The following RASSF3 variants were observed in gnomAD, a reference collection of about 807,000 sequenced individuals.
RASSF3 encodes the protein ras association domain-containing protein 3.
RASSF3 carries 19 observed loss-of-function variants against 19.9 expected under a neutral mutation model. The observed-to-expected ratio is 0.96, with a 90% CI of 0.67 to 1.40. RASSF3 has a LOEUF of 1.40. Among genes scored for constraint, RASSF3 ranks in the 40% most tolerant of loss-of-function variants. The pLI is 0.00. For synonymous variants in RASSF3, 110 were observed against 104.2 expected, an observed-to-expected ratio of 1.06 and a Z score of -0.34; for missense variants, 306 against 289.8, an observed-to-expected ratio of 1.06 and a Z score of -0.41.
chr12:64,580,244 G>A (rs1869669601), intron 2 of RASSF3, among the ~76,000 whole-genome samples: 1 of 152,080 alleles, frequency 6.6e-6, no homozygotes, highest in African/African-American at 2.4e-5. Context: ...CAACCCATTA[G>A]TAGATTATGA....
At chr12:64,671,964 T>C (rs942568616) in intron 1 of RASSF3, among the ~76,000 whole-genome samples, 9 of 152,116 alleles carry the variant, frequency 5.9e-5, no homozygotes, top group Non-Finnish European at 1.0e-4. Flanking sequence ...GACAAGAAAG[T>C]GGATGGAATT....
intron 1 of RASSF3, among the ~76,000 whole-genome samples, chr12:64,638,926 T>C (rs1368258692): frequency 6.6e-6 from 1 of 152,186 alleles, no homozygotes; most frequent in Non-Finnish European, 1.5e-5. Context: ...CTCCCATTTT[T>C]CTCTATTATG....
At chr12:64,592,397 CT>C (rs371725207) in intron 2 of RASSF3, among the ~76,000 whole-genome samples, 8 of 151,858 alleles carry the variant, frequency 5.3e-5, no homozygotes, top group African/African-American at 1.5e-4. Context: ...AGGTTGTTTC[CT>C]TTTTTTGTTA....
chr12:64,622,495 G>C, intron 1 of RASSF3: 1 of 531,182 alleles, frequency 1.9e-6, no homozygotes, highest in South Asian at 1.4e-5. Context: ...AAATTGCGAT[G>C]AGAAAGGAAT....
intron 1 of RASSF3, among the ~76,000 whole-genome samples, chr12:64,665,784 CA>C (rs1007710063): frequency 6.6e-6 from 1 of 152,252 alleles, no homozygotes; most frequent in Non-Finnish European, 1.5e-5. Flanking sequence ...ACTGCCACGT[CA>C]GTAAAGCAGT....
At chr12:64,685,548 C>T (rs950294165) in intron 2 of RASSF3, among the ~76,000 whole-genome samples, 1 of 152,042 alleles carries the variant, frequency 6.6e-6, no homozygotes, top group Admixed American at 6.6e-5. Flanking sequence ...AAGTTTTTGT[C>T]TTGTACAAAA....
At chr12:64,581,547 G>GA (rs1045035986) in intron 2 of RASSF3, among the ~76,000 whole-genome samples, 4 of 151,980 alleles carry the variant, frequency 2.6e-5, no homozygotes, top group African/African-American at 9.7e-5. Flanking sequence ...CGTCTCTACA[G>GA]AAAAAATAAA....
intron 1 of RASSF3, among the ~76,000 whole-genome samples, chr12:64,509,446 C>G (rs7299226): frequency 0.015 from 2,291 of 151,794 alleles, 71 homozygotes; most frequent in African/African-American, 0.051. Context: ...CAAGACTCAG[C>G]CTCAAAAAAT....
intron 1 of RASSF3, among the ~76,000 whole-genome samples, chr12:64,626,030 TG>T (rs1379728812): frequency 6.6e-6 from 1 of 152,128 alleles, no homozygotes; most frequent in African/African-American, 2.4e-5. Flanking sequence ...CTCCTTTGGT[TG>T]TATGTTTCTC....
At chr12:64,654,647 G>GTC (rs200994216) in intron 1 of RASSF3, 4 of 61,584 alleles carry the variant, frequency 6.5e-5, no homozygotes, top group African/African-American at 3.1e-4. Flanking sequence ...TCTTTGCGGG[G>GTC]GGGGGGGGGT....
chr12:64,554,190 A>T (rs983303971), intron 2 of RASSF3, among the ~76,000 whole-genome samples: 4 of 152,202 alleles, frequency 2.6e-5, no homozygotes, highest in African/African-American at 7.2e-5. Context: ...AATGTGACGA[A>T]AGCAAAGGTT....
chr12:64,543,455 C>CG (rs1395319230), downstream of RASSF3, among the ~76,000 whole-genome samples: 1 of 69,890 alleles, frequency 1.4e-5, no homozygotes, highest in Non-Finnish European at 3.6e-5. Flanking sequence ...CCCGCCCGCC[C>CG]CCCGCTCCCC....
intron 1 of RASSF3, among the ~76,000 whole-genome samples, chr12:64,521,086 T>C (rs1868469613): frequency 6.6e-6 from 1 of 152,124 alleles, no homozygotes; most frequent in South Asian, 2.1e-4. Flanking sequence ...AAGCTCCCTG[T>C]TGTGGTCTGA....
chr12:64,639,673 G>T (rs1335528495), intron 1 of RASSF3, among the ~76,000 whole-genome samples: 1 of 152,190 alleles, frequency 6.6e-6, no homozygotes, highest in Non-Finnish European at 1.5e-5. Context: ...CCCAGGTGTA[G>T]TTTGTGGTTT....
intron 1 of RASSF3, among the ~76,000 whole-genome samples, chr12:64,633,322 G>C (rs1235874730): frequency 6.6e-6 from 1 of 152,174 alleles, no homozygotes; most frequent in Non-Finnish European, 1.5e-5. Flanking sequence ...TGGAGTTGGG[G>C]CCTAGTGGGA....
At chr12:64,561,788 G>A (rs145487188) in intron 2 of RASSF3, among the ~76,000 whole-genome samples, 8,512 of 141,618 alleles carry the variant, frequency 0.06, 320 homozygotes, top group South Asian at 0.14. Context: ...CACCTCCTGG[G>A]TTCAAATGAT....
chr12:64,679,280 C>A (rs541863621), intron 1 of RASSF3, among the ~76,000 whole-genome samples: 1 of 152,164 alleles, frequency 6.6e-6, no homozygotes, highest in African/African-American at 2.4e-5. Flanking sequence ...AGGTTGGTCT[C>A]GAACTCCTGA....
chr12:64,537,539 A>C (rs1868853678), intron 1 of RASSF3, among the ~76,000 whole-genome samples: 1 of 151,706 alleles, frequency 6.6e-6, no homozygotes, highest in Admixed American at 6.6e-5. Flanking sequence ...AAGCTAAACA[A>C]CTCCCAATCT....
intron 1 of RASSF3, among the ~76,000 whole-genome samples, chr12:64,657,912 A>G (rs1872216408): frequency 6.6e-6 from 1 of 152,024 alleles, no homozygotes; most frequent in Non-Finnish European, 1.5e-5. Context: ...TCATCTCTAC[A>G]AAACTTCAAA....
Sources: gnomAD v4.1 joint callset for allele counts (sites outside exome capture counted in the v4.1 genomes callset) on GRCh38, gnomAD v4.1.1 for gene constraint, MANE v1.5 for transcripts, NCBI Gene and HGNC (gene_info 2026-07-23, HGNC 2026-07-21) for gene names.